LPXN: variants seen among roughly 807,000 people sequenced by gnomAD.
The protein encoded by LPXN is leupaxin.
A neutral mutation model predicts 45.6 loss-of-function variants in LPXN; 28 were observed. The ratio of observed to expected loss-of-function variants is 0.61; its 90% CI spans 0.45 to 0.84. The LOEUF (loss-of-function observed/expected upper bound fraction) is 0.84. Ranked by LOEUF, LPXN falls within the 40% of genes least tolerant of loss-of-function variation. The probability of loss-of-function intolerance (pLI) is 0.00; values close to 1 mark genes in which losing one functional copy is unlikely to be tolerated. For missense variants in LPXN, 459 were observed against 475.0 expected, an observed-to-expected ratio of 0.97 and a Z score of 0.31; for synonymous variants, 166 against 169.9, an observed-to-expected ratio of 0.98 and a Z score of 0.18.
upstream of LPXN, among the ~76,000 whole-genome samples, chr11:58,578,707 C>T (rs1045521831): frequency 3.6e-4 from 55 of 152,058 alleles, 2 homozygotes; most frequent in Admixed American, 3.0e-3. Context: ...GTATCAGTGG[C>T]TCCTCAGGGA....
Position 58,527,330 on chromosome 11 carries a change from C to A in LPXN, c.*124G>T. ...AAGTCTAGAAGTTCCTTTATTTGCT[C>A]ATCACCTTTCCTTTTTCTATAAGAC... On this transcript the variant is annotated 3_prime_UTR_variant, in exon 9 of 9. Coordinates refer to ENST00000395074, the MANE Select transcript of LPXN (RefSeq NM_004811.3). 2.1e-6 allele frequency: 2 copies of A among 948,866 alleles called. No homozygotes were observed. Among genetic ancestry groups the A allele is most frequent in the East Asian group, 2.5e-5 (1 of 40,508 alleles). The allele number at this position is 948,866 out of a possible 1,614,324, so 58.8% of individuals were successfully genotyped here.
At chr11:58,577,862 G>C (rs139673056), upstream of LPXN, 3 of 813,060 alleles carry the variant, frequency 3.7e-6, no homozygotes, top group Non-Finnish European at 3.7e-6. Context: ...TCCCAACAAG[G>C]TCTAGTAGAA....
At chr11:58,577,127 C>T (rs1307185828), upstream of LPXN, among the ~76,000 whole-genome samples, 1 of 150,294 alleles carries the variant, frequency 6.7e-6, no homozygotes, top group East Asian at 2.0e-4. Flanking sequence ...ATAATTCATT[C>T]TCCATTCCAC....
rs556211726 is a variant in LPXN, at chr11:58,564,212, TAA to T, written c.172-13_172-12del. On this transcript the variant is annotated splice_polypyrimidine_tract_variant and intron_variant, in intron 2 of 8. Transcript: ENST00000395074. ...ATACACGAGCTGCGCCTAAGATATATAAGTGACAAGAGAAGAGCAAAGAATAA... is the reference window on the plus strand; with the variant it reads ...ATACACGAGCTGCGCCTAAGATATATGTGACAAGAGAAGAGCAAAGAATAA... The T allele has an allele frequency of 6.2e-4, 982 of 1,591,348 alleles. 4 individuals carry two copies. In the African/African-American group the frequency reaches 0.012, roughly 19 times the overall value.
At chr11:58,554,652 C>T in intron 4 of LPXN, 189 bp downstream of exon 4, 1 of 476,672 alleles carries the variant, frequency 2.1e-6, no homozygotes, top group Non-Finnish European at 3.7e-6. Flanking sequence ...CCAAATAACA[C>T]ATAGTACAAA....
Position 58,536,968 on chromosome 11 carries a change from C to G in LPXN, c.743-8777G>C, listed in dbSNP as rs1259100058. ...AATCAAAACCATAATGAGATACCAT[C>G]TCACGCCAGTTAGAAAGGCGATCAT... On this transcript the variant is annotated intron_variant, in intron 7 of 8. Coordinates refer to ENST00000395074, the MANE Select transcript of LPXN (RefSeq NM_004811.3). 2.0e-5 allele frequency among the ~76,000 whole-genome samples: 3 copies of G among 151,982 alleles called. No individual in the cohort carries two copies. In the South Asian group the frequency reaches 6.2e-4, roughly 31 times the overall value.
chr11:58,538,772 A>G (rs555498614), intron 7 of LPXN, among the ~76,000 whole-genome samples: 45 of 149,798 alleles, frequency 3.0e-4, no homozygotes, highest in African/African-American at 1.1e-3. Context: ...AAATAATACA[A>G]TATATATACA....
At chr11:58,531,598 T>C (rs1408158228) in intron 7 of LPXN, among the ~76,000 whole-genome samples, 3 of 151,688 alleles carry the variant, frequency 2.0e-5, no homozygotes, top group African/African-American at 7.3e-5. Flanking sequence ...TACCTGAAAG[T>C]TATGGGGAGA....
chr11:58,576,318 C>CATTT (rs767548831), upstream of LPXN, among the ~76,000 whole-genome samples: 6 of 152,052 alleles, frequency 3.9e-5, no homozygotes, highest in Non-Finnish European at 5.9e-5. Flanking sequence ...CTGCATGGAA[C>CATTT]GTAAATCCTT....
chr11:58,563,116 G>A (rs1010505238), intron 3 of LPXN, among the ~76,000 whole-genome samples: 6 of 152,156 alleles, frequency 3.9e-5, no homozygotes, highest in East Asian at 1.9e-4. Flanking sequence ...GCATTCACTC[G>A]CATTTCTACT....
upstream of LPXN, among the ~76,000 whole-genome samples, chr11:58,576,648 A>AT (rs1393155591): frequency 5.9e-5 from 9 of 152,178 alleles, no homozygotes; most frequent in South Asian, 2.1e-4. Flanking sequence ...TGTGAAATAG[A>AT]TTTTTTCCCC....
In LPXN at chr11:58,527,195, G is replaced by T. The variant is rs774212998; in HGVS notation, c.*259C>A. ...ACATCTGTAGAGGGACGAGATAGAAGGACCTAGATCTAACTCCAAGTGCTT... is the reference window on the plus strand; with the variant it reads ...ACATCTGTAGAGGGACGAGATAGAATGACCTAGATCTAACTCCAAGTGCTT... On this transcript the variant is annotated 3_prime_UTR_variant, in exon 9 of 9. Coordinates refer to ENST00000395074, the MANE Select transcript of LPXN (RefSeq NM_004811.3). 39 of 423,816 alleles carry T rather than the reference G, an allele frequency of 9.2e-5. No individual in the cohort carries two copies. The highest frequency in any genetic ancestry group is 1.6e-4 in the Non-Finnish European group (38 of 232,236). 26.3% of individuals were successfully genotyped at this position (423,816 alleles called of 1,614,324 possible). A position where few individuals can be genotyped will look rare whatever the true frequency, so the allele number is the denominator to read the frequency against.
chr11:58,577,864 C>A, upstream of LPXN: 2 of 834,596 alleles, frequency 2.4e-6, no homozygotes, highest in Non-Finnish European at 1.8e-6. Context: ...CCAACAAGGT[C>A]TAGTAGAAAA....
rs780516592 is a variant in LPXN, at chr11:58,551,114, G to A, written c.437C>T (p.Thr146Ile). The change falls in exon 5 of 9, where the codon ACA becomes ATA. Residue 146 changes from threonine (T) to isoleucine (I), a missense_variant. Coordinates refer to ENST00000395074, the MANE Select transcript of LPXN (RefSeq NM_004811.3). ...GGATGCACAATGGCCCTTGGGCACT[G>A]TGGCAATGCCAAGGTCCTGCAATTC... ...EQELQDLGIA[T>I]VPKGHCASCQ... The A allele has an allele frequency of 1.9e-6, 3 of 1,607,532 alleles. No homozygotes were observed. The highest frequency in any genetic ancestry group is 3.4e-5 in the Admixed American group (2 of 59,028).
At chr11:58,532,038 C>CA (rs1186376700) in intron 7 of LPXN, among the ~76,000 whole-genome samples, 36 of 152,246 alleles carry the variant, frequency 2.4e-4, no homozygotes, top group Non-Finnish European at 5.0e-4. Context: ...GCCCCGCACT[C>CA]AGAGTGGCCG....
At chr11:58,556,495 T>C (rs1043183368) in intron 3 of LPXN, among the ~76,000 whole-genome samples, 1 of 152,070 alleles carries the variant, frequency 6.6e-6, no homozygotes, top group Non-Finnish European at 1.5e-5. Flanking sequence ...TTCAACATTA[T>C]TCTAGAATAC....
chr11:58,575,636 A>T, intron 1 of LPXN, 124 bp downstream of exon 1: 1 of 1,108,720 alleles, frequency 9.0e-7, no homozygotes, highest in Non-Finnish European at 1.4e-6. Flanking sequence ...TGAGGACAGG[A>T]AAGAAGTGAA....
chr11:58,564,306 G>A, intron 2 of LPXN, 105 bp from the exon 3 acceptor site: 1 of 751,090 alleles, frequency 1.3e-6, no homozygotes, highest in Non-Finnish European at 2.3e-6. Context: ...AGCTTTTAAA[G>A]GGGACTGACA....
intron 7 of LPXN, 100 bp downstream of exon 7, chr11:58,549,686 C>A: frequency 1.1e-6 from 1 of 912,772 alleles, no homozygotes; most frequent in Non-Finnish European, 1.8e-6. Context: ...TTTGATAGTA[C>A]TGATAGGAAC....
Sources: allele counts gnomAD v4.1 joint callset (sites outside exome capture counted in the v4.1 genomes callset), GRCh38; gene constraint gnomAD v4.1.1; transcripts MANE v1.5; gene names NCBI Gene and HGNC (gene_info 2026-07-23, HGNC 2026-07-21).